RBM42: variants seen among roughly 807,000 people sequenced by gnomAD.
RBM42 encodes the protein RNA binding motif protein 42.
A neutral mutation model predicts 41.4 loss-of-function variants in RBM42; 21 were observed. The ratio of observed to expected loss-of-function variants is 0.51; its 90% CI spans 0.36 to 0.73. The LOEUF (loss-of-function observed/expected upper bound fraction) is 0.73. RBM42 is among the 30% of genes least tolerant of loss of function. The pLI, the probability that RBM42 is intolerant of heterozygous loss-of-function variation, is 0.00. For synonymous variants in RBM42, 272 were observed against 271.2 expected (o/e 1.00, Z -0.03); for missense variants, 539 against 680.4 (o/e 0.79, Z 2.31).
chr19:35,637,507 G>C lies in RBM42; in HGVS notation c.1396G>C (p.Val466Leu). 1 of 1,614,272 alleles carries C rather than the reference G, an allele frequency of 6.2e-7. No homozygotes were observed. The highest frequency in any genetic ancestry group is 8.5e-7 in the Non-Finnish European group (1 of 1,180,054). ...CATGTGGAAGGACCGGAATCTGGAC[G>C]TGGTCCGCAAGAAGCAGAAGGAAAA... Reference protein sequence around the residue: ...KSMWKDRNLDVVRKKQKEKKK... With the variant: ...KSMWKDRNLDLVRKKQKEKKK... Residue 466 changes from valine to leucine, a missense_variant, in exon 10 of 10, where the codon GTG becomes CTG. Val to Leu is a conservative substitution (Grantham distance 32). Around this residue, in one of 2 missense-constraint regions of RBM42, gnomAD observed 110 missense variants for 191.5 expected, o/e 0.57. Transcript: ENST00000262633. This position sits in a 1 kb window ranked among gnomAD's most constrained non-coding sequence, Gnocchi z 7.0.
intron 4 of RBM42, among the ~76,000 whole-genome samples, chr19:35,632,069 T>C (rs1209202070): frequency 6.6e-6 from 1 of 152,254 alleles, no homozygotes; most frequent in Non-Finnish European, 1.5e-5. Context: ...ATGAAAAGGA[T>C]GCGTGTTCTT....
intron 2 of RBM42, among the ~76,000 whole-genome samples, chr19:35,630,632 G>A (rs934576955): frequency 4.6e-5 from 7 of 152,120 alleles, no homozygotes; most frequent in African/African-American, 1.2e-4. Context: ...CGGGCGTGTC[G>A]GCGGGCGCCT....
intron 8 of RBM42, among the ~76,000 whole-genome samples, chr19:35,636,933 C>G (rs892867530): frequency 6.6e-6 from 1 of 152,038 alleles, no homozygotes; most frequent in Non-Finnish European, 1.5e-5. Context: ...GTGACTTCAC[C>G]TCTCTGTGCC....
chr19:35,631,054 T>C, intron 2 of RBM42, 86 bp from the exon 3 acceptor site: 1 of 1,192,464 alleles, frequency 8.4e-7, no homozygotes, highest in South Asian at 1.2e-5. Context: ...GCACAAAGCA[T>C]GAAGCTCTTG....
Position 35,629,668 on chromosome 19 carries a change from C to G in RBM42, c.277C>G (p.Gln93Glu). 2 of 1,614,182 alleles carry G rather than the reference C, an allele frequency of 1.2e-6. No individual in the cohort carries two copies. The highest frequency in any genetic ancestry group is 1.7e-6 in the Non-Finnish European group (2 of 1,180,008). Residue 93 changes from glutamine to glutamate, a missense_variant, in exon 2 of 10, where the codon CAG (glutamine) becomes GAG (glutamate). Physicochemically the swap from Gln to Glu is conservative, Grantham distance 29. Around this residue, in one of 2 missense-constraint regions of RBM42, gnomAD observed 429 missense variants for 488.9 expected, o/e 0.88. Transcript: ENST00000262633. Reference protein sequence around the residue: ...IRPIIATNTYQQVQQTLEARA... With the variant: ...IRPIIATNTYEQVQQTLEARA... ...CCCAATTATCGCGACCAACACATAC[C>G]AGCAGGTACGGCTGAGCTAAGGCAT...
intron 2 of RBM42, among the ~76,000 whole-genome samples, chr19:35,630,029 C>A (rs1320495902): frequency 6.6e-6 from 1 of 152,116 alleles, no homozygotes; most frequent in Non-Finnish European, 1.5e-5. Flanking sequence ...TGAAAATAGG[C>A]TGGGCGCTGG....
In RBM42 at chr19:35,637,220, G is replaced by A. The variant is rs370475409; in HGVS notation, c.1198G>A (p.Ala400Thr). Residue 400 changes from alanine to threonine, a missense_variant, in exon 9 of 10, where the codon GCC (alanine) becomes ACC (threonine). Ala to Thr is a moderately conservative substitution (Grantham distance 58). Transcript: ENST00000262633. This position sits in a 1 kb window ranked among gnomAD's most constrained non-coding sequence, Gnocchi z 7.0. ...NEVNDDILAR[A>T]FSRFPSFLKA... ...GGTGAACGATGACATCTTGGCACGC[G>A]CCTTCAGCCGCTTCCCATCCTTCCT... is the stretch of plus-strand genomic sequence containing the variant. The A allele has an allele frequency of 3.1e-6, 5 of 1,614,038 alleles. No individual in the cohort carries two copies. Among genetic ancestry groups the A allele is most frequent in the East Asian group, 2.2e-5 (1 of 44,870 alleles).
chr19:35,633,657 GC>G, intron 6 of RBM42, 29 bp from the exon 7 acceptor site: 25 of 1,402,996 alleles, frequency 1.8e-5, no homozygotes, highest in Non-Finnish European at 2.1e-5. Context: ...CTGTGAGCCG[GC>G]CCCCCTCATG....
Position 35,631,228 on chromosome 19 carries a change from A to C in RBM42, c.367+4A>C. ...GGCCCTCCTTTTGTAGGCCCTGGTA[A>C]GTAAAGAGTAGCAAGGTGAGGGGGT... On this transcript the variant is annotated splice_donor_region_variant and intron_variant, in intron 3 of 9. Transcript: ENST00000262633. The C allele has an allele frequency of 6.2e-7, 1 of 1,613,968 alleles. No individual in the cohort carries two copies. Among genetic ancestry groups the C allele is most frequent in the East Asian group, 2.2e-5 (1 of 44,874 alleles).
At position 35,637,684 on chromosome 19, in the gene RBM42, C is replaced by T; in HGVS notation, c.*130C>T. Reference sequence around the variant, plus strand: ...GTTTCAATAAATTTACGTTCATTTCCACCCCTGGCTGGGCATGGAAGCACG... The same window carrying T: ...GTTTCAATAAATTTACGTTCATTTCTACCCCTGGCTGGGCATGGAAGCACG... On this transcript the variant is annotated 3_prime_UTR_variant, in exon 10 of 10. Coordinates refer to ENST00000262633, the MANE Select transcript of RBM42 (RefSeq NM_024321.5). This position sits in a 1 kb window ranked among gnomAD's most constrained non-coding sequence, Gnocchi z 7.0. 1 of 720,674 alleles carries T rather than the reference C, an allele frequency of 1.4e-6. No individual in the cohort carries two copies. The highest frequency in any genetic ancestry group is 2.3e-6 in the Non-Finnish European group (1 of 429,094). The allele number at this position is 720,674 out of a possible 1,614,324, so 44.6% of individuals were successfully genotyped here. A position where few individuals can be genotyped will look rare whatever the true frequency, so the allele number is the denominator to read the frequency against.
At position 35,633,996 on chromosome 19, in the gene RBM42, C is replaced by A; in HGVS notation, c.994C>A (p.Pro332Thr). The A allele has an allele frequency of 6.6e-7, 1 of 1,522,814 alleles. No homozygotes were observed. The highest frequency in any genetic ancestry group is 8.8e-7 in the Non-Finnish European group (1 of 1,140,532). 94.3% of individuals were successfully genotyped at this position (1,522,814 alleles called of 1,614,324 possible). Residue 332 changes from proline to threonine, a missense_variant, in exon 7 of 10, where the codon CCC becomes ACC. This residue lies in a region of RBM42 where 429 missense variants were observed against 488.9 expected (regional missense o/e 0.88). Coordinates refer to ENST00000262633, the MANE Select transcript of RBM42 (RefSeq NM_024321.5). Reference protein sequence around the residue: ...PRPRPPRPEPPPGLMALEVPE... With the variant: ...PRPRPPRPEPTPGLMALEVPE... ...GCCCCGGCCCCCTCGGCCAGAGCCA[C>A]CCCCAGGCCTCATGGCTCTTGAGGT...
chr19:35,637,484 T>C lies in RBM42; in HGVS notation c.1373T>C (p.Met458Thr). ...GSRPIKLRKSMWKDRNLDVVR... is the reference protein window; with the variant it reads ...GSRPIKLRKSTWKDRNLDVVR... ...CGCCCCATCAAGCTTCGCAAGAGCA[T>C]GTGGAAGGACCGGAATCTGGACGTG... is the stretch of plus-strand genomic sequence containing the variant. The change falls in exon 10 of 10, where the codon ATG becomes ACG. Residue 458 changes from methionine (M) to threonine (T), a missense_variant. This residue lies in a region of RBM42 where 110 missense variants were observed against 191.5 expected (regional missense o/e 0.57). Transcript: ENST00000262633. This position sits in a 1 kb window ranked among gnomAD's most constrained non-coding sequence, Gnocchi z 7.0. 4 of 1,614,166 alleles carry C rather than the reference T, an allele frequency of 2.5e-6. No individual in the cohort carries two copies. Among genetic ancestry groups the C allele is most frequent in the South Asian group, 1.1e-5 (1 of 91,088 alleles).
At chr19:35,629,371 C>T in intron 1 of RBM42, 90 bp downstream of exon 1, 2 of 1,502,182 alleles carry the variant, frequency 1.3e-6, no homozygotes, top group Non-Finnish European at 8.9e-7. Flanking sequence ...GCCGGAGATA[C>T]GGCTCTAACA....
Position 35,629,598 on chromosome 19 carries a change from C to T in RBM42, c.207C>T (p.Val69=). Reference sequence around the variant, plus strand: ...CTGCGGTGCCCACTGTCCCCACGGTCCCCACAGTAGAAGCGATGCAGGTCC... The same window carrying T: ...CTGCGGTGCCCACTGTCCCCACGGTTCCCACAGTAGAAGCGATGCAGGTCC... ...AVPAVPTVPT[V]PTVEAMQVPA... The change falls in exon 2 of 10, where the codon GTC becomes GTT. Residue 69 remains valine (V), a synonymous_variant. Coordinates refer to ENST00000262633, the MANE Select transcript of RBM42 (RefSeq NM_024321.5). The T allele has an allele frequency of 6.2e-7, 1 of 1,614,212 alleles. No individual in the cohort carries two copies. The highest frequency in any genetic ancestry group is 1.6e-4 in the Middle Eastern group (1 of 6,062).
At chr19:35,632,862 C>G in intron 4 of RBM42, 74 bp from the exon 5 acceptor site, 1 of 760,710 alleles carries the variant, frequency 1.3e-6, no homozygotes, top group Non-Finnish European at 2.4e-6. Context: ...CACACACACA[C>G]GCATGCACAC....
chr19:35,632,458 A>G (rs1410343273), intron 4 of RBM42, among the ~76,000 whole-genome samples: 3 of 152,210 alleles, frequency 2.0e-5, no homozygotes, highest in Non-Finnish European at 4.4e-5. Flanking sequence ...CTTCCTGCCA[A>G]TAATATTCCC....
chr19:35,630,008 A>G (rs1214851935), intron 2 of RBM42, among the ~76,000 whole-genome samples: 2 of 152,172 alleles, frequency 1.3e-5, no homozygotes, highest in Non-Finnish European at 2.9e-5. Flanking sequence ...AAGAGAGAGA[A>G]ATTATTAAGA....
chr19:35,632,863 G>A (rs985253504), intron 4 of RBM42, 73 bp from the exon 5 acceptor site: 17 of 759,934 alleles, frequency 2.2e-5, no homozygotes, highest in Admixed American at 2.0e-4. Flanking sequence ...ACACACACAC[G>A]CATGCACACA....
chr19:35,629,414 G>A (rs1327765539), intron 1 of RBM42, 106 bp from the exon 2 acceptor site: 8 of 1,539,942 alleles, frequency 5.2e-6, no homozygotes, highest in Non-Finnish European at 6.1e-6. Context: ...TTGTGGGGGC[G>A]GGGATAGGGG....
Sources: gnomAD v4.1 joint callset for allele counts (sites outside exome capture counted in the v4.1 genomes callset) on GRCh38, gnomAD v4.1.1 for gene constraint, gnomAD v4.1.1 regional missense constraint, Gnocchi (gnomAD v3.1) non-coding constraint, MANE v1.5 for transcripts, NCBI Gene and HGNC (gene_info 2026-07-23, HGNC 2026-07-21) for gene names.